Variants in GLRX observed in about 807,000 individuals in gnomAD.
GLRX encodes the protein glutaredoxin.
A neutral mutation model predicts 11.1 loss-of-function variants in GLRX; 9 were observed. That is an observed-to-expected ratio of 0.81 (90% CI 0.49 to 1.42). The LOEUF is 1.42. GLRX is among the 40% of genes most tolerant of loss of function. The probability of loss-of-function intolerance (pLI) is 0.00; values close to 1 mark genes in which losing one functional copy is unlikely to be tolerated. For synonymous variants in GLRX, 49 were observed against 49.5 expected (o/e 0.99, Z 0.04); for missense variants, 102 against 126.2 (o/e 0.81, Z 0.92).
At chr5:95,820,839 G>A (rs1239509319) in intron 1 of GLRX, among the ~76,000 whole-genome samples, 1 of 151,838 alleles carries the variant, frequency 6.6e-6, no homozygotes, top group Non-Finnish European at 1.5e-5. Context: ...AAAAATCCCA[G>A]GTGTGGTGGC....
chr5:95,822,534 C>T lies in GLRX; in HGVS notation c.129G>A (p.Leu43=), dbSNP rs138042153. Residue 43 remains leucine, a synonymous_variant, in exon 1 of 3, where the codon CTG becomes CTA. Coordinates refer to ENST00000237858, the MANE Select transcript of GLRX (RefSeq NM_001118890.2). ...LSQLPIKQGL[L]EFVDITATNH... is the part of the protein sequence containing the mutation. Reference sequence around the variant, plus strand: ...TGGTGGCTGTGATATCGACAAATTCCAGAAGCCCTTGTTTGATGGGCAATT... The same window carrying T: ...TGGTGGCTGTGATATCGACAAATTCTAGAAGCCCTTGTTTGATGGGCAATT... 8 of 1,613,800 alleles carry T rather than the reference C, an allele frequency of 5.0e-6. No individual in the cohort carries two copies. The African/African-American group carries it at 1.1e-4, about 22-fold the overall frequency.
chr5:95,820,980 G>A (rs973820915), intron 1 of GLRX, among the ~76,000 whole-genome samples: 2 of 152,126 alleles, frequency 1.3e-5, no homozygotes, highest in Non-Finnish European at 2.9e-5. Flanking sequence ...GCTGGGCATG[G>A]TGGTGGGCGC....
chr5:95,819,911 A>AC (rs1747158858), intron 1 of GLRX, among the ~76,000 whole-genome samples: 10 of 151,286 alleles, frequency 6.6e-5, no homozygotes, highest in African/African-American at 2.2e-4. Flanking sequence ...AAAAAAAAAA[A>AC]AAAAAAAAAA....
chr5:95,816,533 G>A lies in GLRX; in HGVS notation c.301C>T (p.Gln101Ter). 1 of 1,593,720 alleles carries A rather than the reference G, an allele frequency of 6.3e-7. No homozygotes were observed. Among genetic ancestry groups the A allele is most frequent in the Non-Finnish European group, 8.6e-7 (1 of 1,161,462 alleles). The change falls in exon 2 of 3, where the codon CAG (glutamine) becomes TAG (stop). Residue 101 changes from glutamine to a stop codon, truncating the protein, a stop_gained. Transcript: ENST00000237858. LOFTEE classifies it high-confidence loss of function. Reference sequence around the variant, plus strand: ...TGTGGTTACTGCAGAGCTCCAATCTGCTTTAGCCGCGTCAGCAGTTCCCCA... The same window carrying A: ...TGTGGTTACTGCAGAGCTCCAATCTACTTTAGCCGCGTCAGCAGTTCCCCA... ...QSGELLTRLK[Q>*]IGALQ
At chr5:95,814,693 A>G (rs973574436) in intron 2 of GLRX, 23 of 152,494 alleles carry the variant, frequency 1.5e-4, no homozygotes, top group African/African-American at 5.5e-4. Context: ...ACGCATGCCA[A>G]AGAGGACAAT....
At chr5:95,816,449 G>A (rs1007032972) in intron 2 of GLRX, 58 bp downstream of exon 2, 5 of 856,616 alleles carry the variant, frequency 5.8e-6, no homozygotes, top group East Asian at 2.4e-5. Flanking sequence ...AACAAACCAC[G>A]ACAGAAGAAT....
chr5:95,819,907 A>AG (rs1561467642), intron 1 of GLRX, among the ~76,000 whole-genome samples: 2 of 150,804 alleles, frequency 1.3e-5, no homozygotes, highest in East Asian at 3.9e-4. Flanking sequence ...CAAAAAAAAA[A>AG]AAAAAAAAAA....
In GLRX at chr5:95,816,600, A is replaced by G. The variant is rs932018396; in HGVS notation, c.234T>C (p.Asp78=). ...RTVPRVFIGK[D]CIGGCSDLVS... Reference sequence around the variant, plus strand: ...CTAGATCACTGCATCCGCCTATACAATCTTTACCAATAAAGACTCGAGGCA... The same window carrying G: ...CTAGATCACTGCATCCGCCTATACAGTCTTTACCAATAAAGACTCGAGGCA... The change falls in exon 2 of 3, where the codon GAT becomes GAC. Residue 78 remains aspartate (D), a synonymous_variant. Coordinates refer to ENST00000237858, the MANE Select transcript of GLRX (RefSeq NM_001118890.2). 1.2e-6 allele frequency: 2 copies of G among 1,602,966 alleles called. No individual in the cohort carries two copies. The highest frequency in any genetic ancestry group is 1.7e-5 in the Admixed American group (1 of 59,982).
In GLRX at chr5:95,822,467, C is replaced by G. The variant is rs776075651; in HGVS notation, c.196G>C (p.Gly66Arg). The change falls in exon 1 of 3, where the codon GGA becomes CGA. Residue 66 changes from glycine (G) to arginine (R), a missense_variant. By Grantham distance (125) the Gly-to-Arg change is moderately radical. Coordinates refer to ENST00000237858, the MANE Select transcript of GLRX (RefSeq NM_001118890.2). ...EIQDYLQQLT[G>R]ARTVPRVFIG... ...AAAATGAAACTCACCGTTCTTGCTC[C>G]CGTGAGCTGTTGCAAATAATCTTGA... The G allele has an allele frequency of 1.2e-6, 2 of 1,613,370 alleles. No individual in the cohort carries two copies. Among genetic ancestry groups the G allele is most frequent in the Admixed American group, 3.3e-5 (2 of 60,030 alleles).
intron 2 of GLRX, 42 bp downstream of exon 2, chr5:95,816,465 G>C (rs758337838): frequency 1.1e-6 from 1 of 914,448 alleles, no homozygotes. Flanking sequence ...AGAATTCCAC[G>C]GTCTCCCATG....
intron 1 of GLRX, chr5:95,819,260 A>G (rs2070519365): frequency 6.6e-6 from 1 of 152,210 alleles, no homozygotes; most frequent in Non-Finnish European, 1.5e-5. Context: ...TAGGTGCTTA[A>G]AAATATTTGT....
intron 1 of GLRX, chr5:95,818,754 G>C (rs1747100066): frequency 6.6e-6 from 1 of 152,242 alleles, no homozygotes; most frequent in Non-Finnish European, 1.5e-5. Context: ...CAGATCAAGT[G>C]ACTCGTCTGC....
intron 1 of GLRX, 100 bp downstream of exon 1, chr5:95,822,356 T>A: frequency 3.6e-5 from 22 of 613,022 alleles, no homozygotes; most frequent in Middle Eastern, 3.6e-4. Flanking sequence ...TCTGGACGCC[T>A]TGAAGTACGG....
Position 95,816,023 on chromosome 5 carries a change from A to C in GLRX, c.*6+484T>G, listed in dbSNP as rs920420554. On this transcript the variant is annotated intron_variant, in intron 2 of 2. Transcript: ENST00000237858. Reference sequence around the variant, plus strand: ...CCACCTCAGAGCCTTTGCACTTGCTATTCCCTCTGCCTGAAAAGCTCTTCT... The same window carrying C: ...CCACCTCAGAGCCTTTGCACTTGCTCTTCCCTCTGCCTGAAAAGCTCTTCT... Among the ~76,000 whole-genome samples, 3 of 151,962 alleles carry C rather than the reference A, an allele frequency of 2.0e-5. No homozygotes were observed. The East Asian group carries it at 5.8e-4, about 29-fold the overall frequency.
In GLRX at chr5:95,815,381, A is replaced by G. The variant is rs28926219; in HGVS notation, c.*7-992T>C. Among the ~76,000 whole-genome samples the G allele has an allele frequency of 7.2e-3, 1,094 of 152,326 alleles. 16 individuals carry two copies. Among genetic ancestry groups the G allele is most frequent in the African/African-American group, 0.025 (1,036 of 41,570 alleles). ...GAATTCTGATTAGAAGATTTATAGC[A>G]TTGACTATTTCATTTCAGAGAAATC... is the stretch of plus-strand genomic sequence containing the variant. On this transcript the variant is annotated intron_variant, in intron 2 of 2. Coordinates refer to ENST00000237858, the MANE Select transcript of GLRX (RefSeq NM_001118890.2).
At chr5:95,820,307 C>T (rs1360531605) in intron 1 of GLRX, among the ~76,000 whole-genome samples, 2 of 142,962 alleles carry the variant, frequency 1.4e-5, no homozygotes, top group African/African-American at 2.6e-5. Context: ...GCTATCATTG[C>T]ACCACTGCAC....
In GLRX at chr5:95,822,080, A is replaced by C. The variant is rs1456186836; in HGVS notation, c.207+376T>G. 6.1e-5 allele frequency: 16 copies of C among 260,594 alleles called. No homozygotes were observed. The East Asian group carries it at 1.3e-3, about 21-fold the overall frequency. 16.1% of individuals were successfully genotyped at this position (260,594 alleles called of 1,614,324 possible). A position where few individuals can be genotyped will look rare whatever the true frequency, so the allele number is the denominator to read the frequency against. ...TCATGTTAAATAACAAACACATCACACCCGGCCCTCCACCCCAGCTTCCAC... is the reference window on the plus strand; with the variant it reads ...TCATGTTAAATAACAAACACATCACCCCCGGCCCTCCACCCCAGCTTCCAC... On this transcript the variant is annotated intron_variant, in intron 1 of 2. Coordinates refer to ENST00000237858, the MANE Select transcript of GLRX (RefSeq NM_001118890.2).
At chr5:95,819,716 A>G (rs1213730330) in intron 1 of GLRX, among the ~76,000 whole-genome samples, 3 of 151,878 alleles carry the variant, frequency 2.0e-5, no homozygotes, top group East Asian at 1.9e-4. Flanking sequence ...TGGCTAACAC[A>G]GTGAAAACCC....
intron 2 of GLRX, among the ~76,000 whole-genome samples, chr5:95,815,488 G>T (rs1746957876): frequency 1.3e-5 from 2 of 152,202 alleles, no homozygotes; most frequent in Non-Finnish European, 2.9e-5. Context: ...CATTGCCCAA[G>T]AAATGAGTTA....
Sources: gnomAD v4.1 joint callset for allele counts (sites outside exome capture counted in the v4.1 genomes callset) on GRCh38, gnomAD v4.1.1 for gene constraint, MANE v1.5 for transcripts, NCBI Gene and HGNC (gene_info 2026-07-23, HGNC 2026-07-21) for gene names.